The following KIF3B variants were observed in gnomAD, a reference collection of about 807,000 sequenced individuals.
The protein encoded by KIF3B is kinesin-like protein KIF3B.
Under a neutral mutation model 74.3 loss-of-function variants are expected in KIF3B, and 38 were observed. The observed-to-expected ratio is 0.51, with a 90% CI of 0.39 to 0.67. The LOEUF is 0.67. Among genes scored for constraint, KIF3B ranks in the 30% least tolerant of loss-of-function variants. The pLI, the probability that KIF3B is intolerant of heterozygous loss-of-function variation, is 0.00. For missense variants in KIF3B, 649 were observed against 932.0 expected (o/e 0.70, Z 3.95); for synonymous variants, 326 against 342.5 (o/e 0.95, Z 0.53).
At chr20:32,301,112 CAG>C (rs1248182075) in intron 1 of KIF3B, among the ~76,000 whole-genome samples, 2 of 107,448 alleles carry the variant, frequency 1.9e-5, no homozygotes, top group Non-Finnish European at 3.6e-5. Flanking sequence ...TTTTTTGAGA[CAG>C]AGTCTCACTG....
intron 1 of KIF3B, among the ~76,000 whole-genome samples, chr20:32,290,104 C>T (rs1465817626): frequency 2.0e-5 from 3 of 152,060 alleles, no homozygotes; most frequent in Non-Finnish European, 2.9e-5. Flanking sequence ...CTCAGAACTA[C>T]GAATGATAGG....
At chr20:32,290,845 C>G (rs2047687871) in intron 1 of KIF3B, among the ~76,000 whole-genome samples, 1 of 150,656 alleles carries the variant, frequency 6.6e-6, no homozygotes, top group Admixed American at 6.6e-5. Context: ...CACCACTGCA[C>G]TCCAGCCTGG....
rs34366324 is a variant in KIF3B at position 32,280,714 on chromosome 20, C to CAAA, written c.-66+2973_-66+2975dup. Among the ~76,000 whole-genome samples, 144 of 51,334 alleles carry CAAA rather than the reference C, an allele frequency of 2.8e-3. 1 individual carries two copies. The highest frequency in any genetic ancestry group is 6.6e-3 in the East Asian group (11 of 1,662). 33.7% of individuals were successfully genotyped at this position (51,334 alleles called of 152,430 possible). A position where few individuals can be genotyped will look rare whatever the true frequency, so the allele number is the denominator to read the frequency against. On this transcript the variant is annotated intron_variant, in intron 1 of 8. Transcript: ENST00000375712. ...TGGGCGACAGAGCAAGACTCCGTCT[C>CAAA]AAAAAAAAAAAAAAAAAAAAAAAAA... is the stretch of plus-strand genomic sequence containing the variant.
At chr20:32,302,629 C>G (rs1391384833) in intron 1 of KIF3B, among the ~76,000 whole-genome samples, 2 of 152,186 alleles carry the variant, frequency 1.3e-5, no homozygotes, top group Admixed American at 6.5e-5. Flanking sequence ...TGACCTGTCT[C>G]CCTGTCCTGC....
intron 1 of KIF3B, among the ~76,000 whole-genome samples, chr20:32,281,386 A>G (rs186326035): frequency 1.6e-3 from 250 of 152,364 alleles, no homozygotes; most frequent in Non-Finnish European, 2.5e-3. Context: ...CTGAGCACCT[A>G]GAATGTGTCA....
intron 1 of KIF3B, among the ~76,000 whole-genome samples, chr20:32,291,646 C>T (rs1376480213): frequency 3.4e-5 from 5 of 147,976 alleles, no homozygotes; most frequent in Non-Finnish European, 5.9e-5. Context: ...GACAGAGTCT[C>T]GCTCTGTCAC....
intron 5 of KIF3B, among the ~76,000 whole-genome samples, chr20:32,320,029 G>A (rs1046666213): frequency 6.6e-6 from 1 of 151,842 alleles, no homozygotes; most frequent in Non-Finnish European, 1.5e-5. Flanking sequence ...CGAGTAGCTG[G>A]GACTATAGGC....
chr20:32,311,851 G>A (rs2122694207), intron 2 of KIF3B, among the ~76,000 whole-genome samples: 1 of 143,706 alleles, frequency 7.0e-6, no homozygotes, highest in South Asian at 2.2e-4. Context: ...CACCCAGGCT[G>A]GAGTGCAGTG....
intron 2 of KIF3B, among the ~76,000 whole-genome samples, chr20:32,313,229 G>A (rs2047810757): frequency 6.6e-6 from 1 of 152,132 alleles, no homozygotes; most frequent in Admixed American, 6.6e-5. Flanking sequence ...CTTCCACTGG[G>A]CTTTAATGGC....
intron 5 of KIF3B, among the ~76,000 whole-genome samples, chr20:32,318,556 C>T (rs971463036): frequency 6.6e-6 from 1 of 152,184 alleles, no homozygotes; most frequent in Admixed American, 6.5e-5. Flanking sequence ...GAATCACACA[C>T]TGTGTGGCCT....
At chr20:32,295,903 C>T (rs915698417) in intron 1 of KIF3B, among the ~76,000 whole-genome samples, 16 of 137,454 alleles carry the variant, frequency 1.2e-4, no homozygotes, top group African/African-American at 3.9e-4. Flanking sequence ...CTTGCACTGT[C>T]GCCTGGGCTG....
At chr20:32,297,751 G>C (rs2047723096) in intron 1 of KIF3B, among the ~76,000 whole-genome samples, 1 of 152,032 alleles carries the variant, frequency 6.6e-6, no homozygotes, top group Admixed American at 6.6e-5. Context: ...TGCCACTTGG[G>C]GTTCAGGTCA....
chr20:32,317,919 G>T (rs1228908769), intron 5 of KIF3B, among the ~76,000 whole-genome samples: 1 of 152,088 alleles, frequency 6.6e-6, no homozygotes, highest in Non-Finnish European at 1.5e-5. Flanking sequence ...GGGATTATAG[G>T]TGTGAGCCAC....
intron 1 of KIF3B, among the ~76,000 whole-genome samples, chr20:32,292,583 G>GAAAAAAAAAAAA (rs71185398): frequency 1.4e-5 from 1 of 71,820 alleles, no homozygotes; most frequent in Non-Finnish European, 2.8e-5. Flanking sequence ...ACTAAAAATA[G>GAAAAAAAAAAAA]AAAAAAAAAA....
At chr20:32,317,576 G>A (rs1193889036) in intron 5 of KIF3B, among the ~76,000 whole-genome samples, 1 of 151,052 alleles carries the variant, frequency 6.6e-6, no homozygotes, top group African/African-American at 2.4e-5. Flanking sequence ...ATATTTTAAA[G>A]CAAATCTTAA....
intron 1 of KIF3B, among the ~76,000 whole-genome samples, chr20:32,299,403 A>ATATATATATATATTT (rs1555895046): frequency 1.1e-4 from 1 of 9,026 alleles, no homozygotes; most frequent in African/African-American, 6.1e-4. Context: ...ATATATATAT[A>ATATATATATATATTT]TTTTTTTTTT....
At chr20:32,285,707 T>A (rs889192073) in intron 1 of KIF3B, among the ~76,000 whole-genome samples, 1 of 152,196 alleles carries the variant, frequency 6.6e-6, no homozygotes, top group South Asian at 2.1e-4. Flanking sequence ...CCCAAAGCCC[T>A]TCCAGCCCTG....
intron 5 of KIF3B, among the ~76,000 whole-genome samples, chr20:32,323,817 G>T (rs1433716274): frequency 2.0e-5 from 3 of 152,144 alleles, no homozygotes; most frequent in Non-Finnish European, 4.4e-5. Flanking sequence ...GGCGGAGGTT[G>T]CAGTGAGCCA....
At chr20:32,304,262 GCTGT>G (rs965308702) in intron 1 of KIF3B, among the ~76,000 whole-genome samples, 1 of 152,166 alleles carries the variant, frequency 6.6e-6, no homozygotes, top group Admixed American at 6.5e-5. Flanking sequence ...ATATGTTGAT[GCTGT>G]CTATTTATTA....
Sources: allele counts gnomAD v4.1 joint callset (sites outside exome capture counted in the v4.1 genomes callset), GRCh38; gene constraint gnomAD v4.1.1; transcripts MANE v1.5; gene names NCBI Gene and HGNC (gene_info 2026-07-23, HGNC 2026-07-21).